Variants in NBEAL1 observed in about 807,000 individuals in gnomAD.
NBEAL1 encodes neurobeachin like 1, also known as neurobeachin-like protein 1.
NBEAL1 carries 273 observed loss-of-function variants against 351.3 expected under a neutral mutation model. The ratio of observed to expected loss-of-function variants is 0.78; its 90% confidence interval spans 0.70 to 0.86. The LOEUF is 0.86. NBEAL1 is among the 40% of genes least tolerant of loss of function. The probability of loss-of-function intolerance (pLI) is 0.00; values close to 1 mark genes in which losing one functional copy is unlikely to be tolerated. For missense variants in NBEAL1, 2,961 were observed against 3,201.3 expected (o/e 0.92, Z 1.81); for synonymous variants, 1,050 against 1,086.4 (o/e 0.97, Z 0.66).
rs2061554943 is a variant in NBEAL1, at chr2:203,064,824, A to G, written c.516-3569A>G. 2.0e-5 allele frequency among the ~76,000 whole-genome samples: 3 copies of G among 152,232 alleles called. No homozygotes were observed. In the South Asian group the frequency reaches 6.2e-4, roughly 32 times the overall value. On this transcript the variant is annotated intron_variant, in intron 6 of 55. Transcript: ENST00000683969. ...CTGACAAAACTGGAATATGGTTGGT[A>G]GATTACATAGAAGTATTGTACCAGT...
At chr2:203,065,236 A>G (rs1031738942) in intron 6 of NBEAL1, among the ~76,000 whole-genome samples, 1 of 152,174 alleles carries the variant, frequency 6.6e-6, no homozygotes, top group Non-Finnish European at 1.5e-5. Context: ...TCCACTCTGG[A>G]CAATAGAGCA....
At chr2:203,213,018 A>G (rs906820949) in intron 54 of NBEAL1, among the ~76,000 whole-genome samples, 6 of 152,182 alleles carry the variant, frequency 3.9e-5, no homozygotes, top group African/African-American at 1.4e-4. Context: ...AACACTAAGG[A>G]TAAAAATCTA....
intron 41 of NBEAL1, 76 bp downstream of exon 41, chr2:203,172,929 C>CA: frequency 5.8e-6 from 8 of 1,369,862 alleles, no homozygotes; most frequent in Non-Finnish European, 6.8e-6. Flanking sequence ...TATGGCCAAC[C>CA]AAAAAAATTT....
intron 6 of NBEAL1, among the ~76,000 whole-genome samples, chr2:203,060,637 G>A (rs72934510): frequency 0.092 from 14,014 of 152,098 alleles, 762 homozygotes; most frequent in Non-Finnish European, 0.12. Context: ...GAGTATCTAC[G>A]GAATTTTCAC....
chr2:203,048,799 C>A (rs1017306665), intron 3 of NBEAL1, among the ~76,000 whole-genome samples: 1 of 151,832 alleles, frequency 6.6e-6, no homozygotes, highest in African/African-American at 2.4e-5. Context: ...TATAGTCTTA[C>A]ATAGAAACCA....
At chr2:203,019,659 A>C (rs1382271113) in intron 2 of NBEAL1, among the ~76,000 whole-genome samples, 1 of 152,246 alleles carries the variant, frequency 6.6e-6, no homozygotes, top group African/African-American at 2.4e-5. Context: ...TATTAACAAT[A>C]GGTCAATATT....
chr2:203,212,628 A>G (rs948030266), intron 54 of NBEAL1, among the ~76,000 whole-genome samples: 2 of 150,886 alleles, frequency 1.3e-5, no homozygotes, highest in Non-Finnish European at 3.0e-5. Flanking sequence ...AAAAAAGACT[A>G]GTTGGGGAAA....
chr2:203,063,516 G>C (rs911180894), intron 6 of NBEAL1, among the ~76,000 whole-genome samples: 2 of 151,344 alleles, frequency 1.3e-5, no homozygotes, highest in African/African-American at 4.9e-5. Flanking sequence ...AAAAGGAAAG[G>C]AAAGAGGGAG....
In NBEAL1 at chr2:203,136,004, G is replaced by C. The variant is rs759402334; in HGVS notation, c.4141G>C (p.Glu1381Gln). 1 of 1,613,670 alleles carries C rather than the reference G, an allele frequency of 6.2e-7. No individual in the cohort carries two copies. Among genetic ancestry groups the C allele is most frequent in the South Asian group, 1.1e-5 (1 of 90,952 alleles). The change falls in exon 28 of 56, where the codon GAA becomes CAA. Residue 1381 changes from glutamate (E) to glutamine (Q), a missense_variant. Physicochemically the swap from Glu to Gln is conservative, Grantham distance 29. Transcript: ENST00000683969. ...ATTTCCAGAAGATAGCTCTGTGGGA[G>C]AATTGTCTTTCAAATCAGAGAATCA... ...PLFPEDSSVGELSFKSENQEE... is the reference protein window; with the variant it reads ...PLFPEDSSVGQLSFKSENQEE...
At position 203,070,862 on chromosome 2, in the gene NBEAL1, C is replaced by G. The variant is rs150768650; in HGVS notation, c.598+2387C>G. ...TTCCCACCAGGCCCCACCTCCAACA[C>G]TGGGGATTACAGTTGAACACGAGAT... On this transcript the variant is annotated intron_variant, in intron 7 of 55. Transcript: ENST00000683969. 6.6e-3 allele frequency among the ~76,000 whole-genome samples: 999 copies of G among 152,270 alleles called. 6 individuals are homozygous for G. The highest frequency in any genetic ancestry group is 0.023 in the African/African-American group (957 of 41,554).
chr2:203,047,670 T>C (rs2061250973), intron 3 of NBEAL1, among the ~76,000 whole-genome samples: 1 of 152,104 alleles, frequency 6.6e-6, no homozygotes, highest in African/African-American at 2.4e-5. Context: ...TTTTTAAGTA[T>C]GGTGTAAAAA....
At position 203,144,814 on chromosome 2, in the gene NBEAL1, C is replaced by G. The variant is rs372750746; in HGVS notation, c.5063C>G (p.Ser1688Cys). The G allele has an allele frequency of 3.7e-6, 6 of 1,613,984 alleles. No individual in the cohort carries two copies. Among genetic ancestry groups the G allele is most frequent in the African/African-American group, 2.7e-5 (2 of 75,060 alleles). Residue 1688 changes from serine to cysteine, a missense_variant, in exon 32 of 56, where the codon TCT (serine) becomes TGT (cysteine). Transcript: ENST00000683969. ...ELLFMNLHLP[S>C]LPFTNGSSSF... ...CTCTTCATGAACTTGCACCTACCTT[C>G]TTTACCTTTTACCAATGGTAGCTCC... is the stretch of plus-strand genomic sequence containing the variant.
intron 29 of NBEAL1, 82 bp from the exon 30 acceptor site, chr2:203,138,080 C>G (rs1433824591): frequency 1.5e-6 from 2 of 1,302,554 alleles, no homozygotes; most frequent in Non-Finnish European, 2.1e-6. Context: ...TGCTGCCTCT[C>G]AAGCTATTTT....
At chr2:203,110,109 C>A in intron 14 of NBEAL1, 41 bp from the exon 15 acceptor site, 1 of 1,524,172 alleles carries the variant, frequency 6.6e-7, no homozygotes, top group Non-Finnish European at 8.8e-7. Context: ...TGAAACTGAA[C>A]AACCAACTTT....
intron 12 of NBEAL1, 62 bp downstream of exon 12, chr2:203,099,774 C>T (rs2062272063): frequency 9.0e-7 from 1 of 1,112,228 alleles, no homozygotes; most frequent in Non-Finnish European, 1.3e-6. Flanking sequence ...TTCAGGGGTA[C>T]ATGTGCAGGT....
At chr2:203,169,933 T>C (rs2064267341) in intron 39 of NBEAL1, 82 bp downstream of exon 39, 2 of 829,420 alleles carry the variant, frequency 2.4e-6, no homozygotes, top group South Asian at 3.1e-5. Context: ...TTTCCTTTGA[T>C]TTTTACAACT....
At chr2:203,164,989 G>A (rs2064090182) in intron 36 of NBEAL1, among the ~76,000 whole-genome samples, 1 of 151,656 alleles carries the variant, frequency 6.6e-6, no homozygotes, top group Non-Finnish European at 1.5e-5. Flanking sequence ...AGCCTCCCAA[G>A]TAGCTGGGAT....
Position 203,120,078 on chromosome 2 carries a change from C to CA in NBEAL1, c.2593-2172dup, listed in dbSNP as rs1423005668. Among the ~76,000 whole-genome samples the CA allele has an allele frequency of 2.6e-5, 4 of 152,230 alleles. No homozygotes were observed. In the East Asian group the frequency reaches 5.8e-4, roughly 22 times the overall value. ...TCTGTAAGAAGCTTACAATCTAAAG[C>CA]AAAATAAATTTTTTAAAAAATAAGT... On this transcript the variant is annotated intron_variant, in intron 18 of 55. Transcript: ENST00000683969.
chr2:203,174,858 C>CAAATAAATAAAT lies in NBEAL1; in HGVS notation c.6324-261_6324-250dup, dbSNP rs34190645. Among the ~76,000 whole-genome samples, 42 of 143,376 alleles carry CAAATAAATAAAT rather than the reference C, an allele frequency of 2.9e-4. No individual in the cohort carries two copies. The East Asian group carries it at 6.5e-3, about 22-fold the overall frequency. The allele number at this position is 143,376 out of a possible 152,430, so 94.1% of individuals were successfully genotyped here. A position where few individuals can be genotyped will look rare whatever the true frequency, so the allele number is the denominator to read the frequency against. ...GTGAGCCGAGAGCGAGACTCTGTCTCAAATAAATAAATAAATAAATAAATA... is the reference window on the plus strand; with the variant it reads ...GTGAGCCGAGAGCGAGACTCTGTCTCAAATAAATAAATAAATAAATAAATAAATAAATAAATA... On this transcript the variant is annotated intron_variant, in intron 41 of 55. Coordinates refer to ENST00000683969, the MANE Select transcript of NBEAL1 (RefSeq NM_001378026.1).
Sources: allele counts gnomAD v4.1 joint callset (sites outside exome capture counted in the v4.1 genomes callset), GRCh38; gene constraint gnomAD v4.1.1; transcripts MANE v1.5; gene names NCBI Gene and HGNC (gene_info 2026-07-23, HGNC 2026-07-21).